CTNNA3: variants seen among roughly 807,000 people sequenced by gnomAD.
CTNNA3 encodes the protein catenin alpha-3.
Under a neutral mutation model 95.7 loss-of-function variants are expected in CTNNA3, and 76 were observed. The ratio of observed to expected loss-of-function variants is 0.79; its 90% CI spans 0.66 to 0.96. The LOEUF is 0.96. CTNNA3 is among the 40% of genes least tolerant of loss of function. The pLI, the probability that CTNNA3 is intolerant of heterozygous loss-of-function variation, is 0.00. For synonymous variants in CTNNA3, 431 were observed against 374.4 expected (o/e 1.15, Z -1.74); for missense variants, 1,191 against 1,089.8 (o/e 1.09, Z -1.31).
chr10:66,841,521 T>C (rs909394372), intron 7 of CTNNA3, among the ~76,000 whole-genome samples: 6 of 152,212 alleles, frequency 3.9e-5, no homozygotes, highest in Admixed American at 2.0e-4. Flanking sequence ...ATAAGAATGT[T>C]GATATATTGG....
At chr10:66,283,969 T>C (rs532360474) in intron 12 of CTNNA3, among the ~76,000 whole-genome samples, 63 of 151,888 alleles carry the variant, frequency 4.1e-4, no homozygotes, top group Non-Finnish European at 8.0e-4. Context: ...TAGACATTAA[T>C]ATACAATCAT....
intron 3 of CTNNA3, among the ~76,000 whole-genome samples, chr10:67,583,243 G>A (rs1373482716): frequency 6.6e-6 from 1 of 152,074 alleles, no homozygotes; most frequent in Admixed American, 6.6e-5. Context: ...AGCTCTTTTA[G>A]GGCAGGCCTG....
chr10:67,025,307 T>G (rs574485470), intron 7 of CTNNA3, among the ~76,000 whole-genome samples: 80 of 151,594 alleles, frequency 5.3e-4, no homozygotes, highest in African/African-American at 1.8e-3. Context: ...GATTAGCTCA[T>G]AAGCCTATTT....
chr10:66,423,170 G>T (rs563433376), intron 11 of CTNNA3, among the ~76,000 whole-genome samples: 3 of 151,932 alleles, frequency 2.0e-5, no homozygotes, highest in African/African-American at 7.3e-5. Flanking sequence ...ATGTTTAAAA[G>T]TTTTAAAAAC....
chr10:66,044,956 T>C (rs956757144), intron 15 of CTNNA3, among the ~76,000 whole-genome samples: 1 of 149,606 alleles, frequency 6.7e-6, no homozygotes, highest in South Asian at 2.1e-4. Context: ...ATACCACAGT[T>C]AGCCTCTAAT....
intron 9 of CTNNA3, among the ~76,000 whole-genome samples, chr10:66,713,112 T>C (rs1028065822): frequency 2.6e-5 from 4 of 152,156 alleles, no homozygotes; most frequent in African/African-American, 4.8e-5. Flanking sequence ...CACAGGAGGC[T>C]CGAGAACCAC....
At position 65,913,036 on chromosome 10, in the gene CTNNA3, G is replaced by T. The variant is rs2076964519; in HGVS notation, c.*7294C>A. ...ACACCTCAAACGCCACTAAACTTAA[G>T]TTCCCAAGATATTGCTGCAATAAAC... On this transcript the variant is annotated 3_prime_UTR_variant, in exon 18 of 18. Transcript: ENST00000433211. 6.6e-6 allele frequency: 1 copy of T among 152,232 alleles called. No homozygotes were observed. The highest frequency in any genetic ancestry group is 1.9e-4 in the East Asian group (1 of 5,182). 9.4% of individuals were successfully genotyped at this position (152,232 alleles called of 1,614,324 possible). A position where few individuals can be genotyped will look rare whatever the true frequency, so the allele number is the denominator to read the frequency against.
intron 7 of CTNNA3, among the ~76,000 whole-genome samples, chr10:67,076,988 G>T (rs966346207): frequency 2.6e-5 from 4 of 152,080 alleles, no homozygotes; most frequent in Non-Finnish European, 2.9e-5. Flanking sequence ...AAAGCAACTT[G>T]CATTGTCTCT....
At chr10:66,472,669 A>G (rs1224422270) in intron 11 of CTNNA3, among the ~76,000 whole-genome samples, 1 of 152,050 alleles carries the variant, frequency 6.6e-6, no homozygotes, top group Non-Finnish European at 1.5e-5. Context: ...ATTAAAATTA[A>G]CTATAAAAAC....
chr10:67,017,752 T>TGTGC (rs1491459209), intron 7 of CTNNA3, among the ~76,000 whole-genome samples: 1,811 of 145,942 alleles, frequency 0.012, 31 homozygotes, highest in African/African-American at 0.037. Context: ...TGTGTGTGTG[T>TGTGC]GCGCGCGTAC....
chr10:65,987,203 T>A (rs988958239), intron 16 of CTNNA3, among the ~76,000 whole-genome samples: 2 of 151,932 alleles, frequency 1.3e-5, no homozygotes, highest in African/African-American at 4.8e-5. Context: ...TGGGATTATA[T>A]CAAACTAAAA....
At chr10:67,437,986 T>C (rs1846362713) in intron 5 of CTNNA3, among the ~76,000 whole-genome samples, 1 of 151,882 alleles carries the variant, frequency 6.6e-6, no homozygotes, top group Admixed American at 6.6e-5. Context: ...AATAAGCTTA[T>C]AATTACTTTT....
At chr10:67,212,808 A>G (rs7099310) in intron 6 of CTNNA3, among the ~76,000 whole-genome samples, 6,571 of 152,002 alleles carry the variant, frequency 0.043, 179 homozygotes, top group South Asian at 0.088. Context: ...CTTTGTCATA[A>G]TGACTTTTTT....
intron 12 of CTNNA3, among the ~76,000 whole-genome samples, chr10:66,284,154 A>T (rs1290222291): frequency 6.6e-6 from 1 of 151,914 alleles, no homozygotes; most frequent in African/African-American, 2.4e-5. Flanking sequence ...TTACACAGCC[A>T]AATTCAGAAC....
chr10:66,263,378 C>T (rs1205163595), intron 13 of CTNNA3, among the ~76,000 whole-genome samples: 2 of 151,984 alleles, frequency 1.3e-5, no homozygotes, highest in Non-Finnish European at 2.9e-5. Flanking sequence ...AGATTTGAGA[C>T]ACACTAAGAG....
intron 7 of CTNNA3, among the ~76,000 whole-genome samples, chr10:67,026,967 C>T (rs1853429626): frequency 1.3e-5 from 2 of 152,180 alleles, no homozygotes. Context: ...GTATAAGACA[C>T]AGTTAATTCT....
chr10:66,203,994 C>T (rs556041172), intron 13 of CTNNA3, among the ~76,000 whole-genome samples: 1 of 152,114 alleles, frequency 6.6e-6, no homozygotes, highest in East Asian at 1.9e-4. Context: ...ATTCTAGGCC[C>T]AAATTTGGAG....
At chr10:66,266,346 C>A (rs973544260) in intron 13 of CTNNA3, among the ~76,000 whole-genome samples, 3 of 151,958 alleles carry the variant, frequency 2.0e-5, no homozygotes, top group Non-Finnish European at 4.4e-5. Flanking sequence ...GTGCTCACCA[C>A]AGCCTAACAC....
At chr10:66,962,413 TTTTTG>T (rs1468745503) in intron 7 of CTNNA3, among the ~76,000 whole-genome samples, 6 of 138,530 alleles carry the variant, frequency 4.3e-5, no homozygotes, top group Non-Finnish European at 9.3e-5. Context: ...TTTGTTTTTG[TTTTTG>T]TTTTTTTTTT....
Sources: allele counts gnomAD v4.1 joint callset (sites outside exome capture counted in the v4.1 genomes callset), GRCh38; gene constraint gnomAD v4.1.1; transcripts MANE v1.5; gene names NCBI Gene and HGNC (gene_info 2026-07-23, HGNC 2026-07-21).